Variants in SKAP1 observed in about 807,000 individuals in gnomAD.
SKAP1 encodes the protein src kinase-associated phosphoprotein 1.
Under a neutral mutation model 58.5 loss-of-function variants are expected in SKAP1, and 44 were observed. That is an observed-to-expected ratio of 0.75 (90% CI 0.59 to 0.97). The LOEUF is 0.97. SKAP1 is among the 50% of genes least tolerant of loss of function. The probability of loss-of-function intolerance (pLI) is 0.00; values close to 1 mark genes in which losing one functional copy is unlikely to be tolerated. For missense variants in SKAP1, 390 were observed against 435.2 expected (o/e 0.90, Z 0.92); for synonymous variants, 127 against 149.7 (o/e 0.85, Z 1.11).
intron 11 of SKAP1, among the ~76,000 whole-genome samples, chr17:48,150,358 AAC>A (rs1484173296): frequency 1.3e-5 from 2 of 152,252 alleles, no homozygotes; most frequent in African/African-American, 4.8e-5. Context: ...TGAAAATAAT[AAC>A]ACAGCATTGT....
At chr17:48,223,545 G>A (rs2065029162) in intron 4 of SKAP1, among the ~76,000 whole-genome samples, 1 of 152,158 alleles carries the variant, frequency 6.6e-6, no homozygotes, top group Admixed American at 6.5e-5. Flanking sequence ...GAAAACTGAA[G>A]TGTGGGCAAA....
At chr17:48,258,151 A>G (rs776747056) in intron 4 of SKAP1, among the ~76,000 whole-genome samples, 1 of 152,108 alleles carries the variant, frequency 6.6e-6, no homozygotes, top group Non-Finnish European at 1.5e-5. Context: ...GTATTCCCAA[A>G]AGGACAGTCC....
chr17:48,356,287 G>A (rs1416969513), intron 3 of SKAP1, among the ~76,000 whole-genome samples: 3 of 151,834 alleles, frequency 2.0e-5, no homozygotes, highest in Non-Finnish European at 2.9e-5. Context: ...TAAATAAATA[G>A]ATAGATAGAT....
At chr17:48,174,516 CAG>C (rs1240066804) in intron 9 of SKAP1, among the ~76,000 whole-genome samples, 1 of 152,182 alleles carries the variant, frequency 6.6e-6, no homozygotes, top group East Asian at 1.9e-4. Flanking sequence ...TTTGCAACCC[CAG>C]AGTCAAAGAC....
chr17:48,409,080 A>G (rs1382324914), intron 1 of SKAP1, among the ~76,000 whole-genome samples: 2 of 152,220 alleles, frequency 1.3e-5, no homozygotes, highest in African/African-American at 4.8e-5. Flanking sequence ...TGAGCTACCT[A>G]TGGGGTAGAT....
chr17:48,208,016 G>T (rs190837732), intron 4 of SKAP1, among the ~76,000 whole-genome samples: 76 of 152,234 alleles, frequency 5.0e-4, no homozygotes, highest in Admixed American at 1.4e-3. Flanking sequence ...TATAAAACAG[G>T]ACACCTGTTG....
chr17:48,211,934 C>T (rs1473281644), intron 4 of SKAP1, among the ~76,000 whole-genome samples: 2 of 151,268 alleles, frequency 1.3e-5, no homozygotes, highest in African/African-American at 2.4e-5. Context: ...TGTGTGTGGC[C>T]CTAAAAAGTT....
At chr17:48,338,356 T>C (rs1218330272) in intron 4 of SKAP1, among the ~76,000 whole-genome samples, 1 of 152,138 alleles carries the variant, frequency 6.6e-6, no homozygotes, top group East Asian at 1.9e-4. Context: ...TTCATCATGT[T>C]GGCCAAGCTG....
At chr17:48,399,041 CA>C (rs952046738) in intron 1 of SKAP1, among the ~76,000 whole-genome samples, 3 of 151,046 alleles carry the variant, frequency 2.0e-5, no homozygotes, top group African/African-American at 7.3e-5. Flanking sequence ...AACAAACAAA[CA>C]AAAAAAACCA....
In SKAP1 at chr17:48,405,450, T is replaced by TTTCTTTCTTTCTTTTC. The variant is rs1441641292; in HGVS notation, c.47-8666_47-8665insGAAAAGAAAGAAAGAA. ...CTTTCTTTCTTTCTTTCTTTCTTTC[T>TTTCTTTCTTTCTTTTC]TTTCTTTCTTTCTTTCCTTCCTTCC... On this transcript the variant is annotated intron_variant, in intron 1 of 12. Transcript: ENST00000336915. Among the ~76,000 whole-genome samples, 203 of 94,030 alleles carry TTTCTTTCTTTCTTTTC rather than the reference T, an allele frequency of 2.2e-3. 2 individuals are homozygous for TTTCTTTCTTTCTTTTC. The highest frequency in any genetic ancestry group is 3.7e-3 in the South Asian group (9 of 2,450). The allele number at this position is 94,030 out of a possible 152,430, so 61.7% of individuals were successfully genotyped here.
chr17:48,397,423 A>G (rs1475913687), intron 1 of SKAP1, among the ~76,000 whole-genome samples: 1 of 152,150 alleles, frequency 6.6e-6, no homozygotes, highest in East Asian at 1.9e-4. Context: ...ATGGGTTTTC[A>G]TCATGTTGCC....
At chr17:48,306,339 C>A (rs551924068) in intron 4 of SKAP1, among the ~76,000 whole-genome samples, 3 of 152,064 alleles carry the variant, frequency 2.0e-5, no homozygotes, top group African/African-American at 7.3e-5. Flanking sequence ...TTCTATGAAA[C>A]CTCCCACACC....
At chr17:48,321,347 C>T (rs2066360643) in intron 4 of SKAP1, among the ~76,000 whole-genome samples, 1 of 137,570 alleles carries the variant, frequency 7.3e-6, no homozygotes, top group Non-Finnish European at 1.5e-5. Flanking sequence ...CCTTCTGTCT[C>T]ATTATTATTA....
intron 4 of SKAP1, among the ~76,000 whole-genome samples, chr17:48,323,747 T>C (rs1363774698): frequency 6.6e-6 from 1 of 151,904 alleles, no homozygotes; most frequent in Non-Finnish European, 1.5e-5. Flanking sequence ...GGGAGATACA[T>C]AGGAAGGCCT....
At chr17:48,442,899 C>T in the SKAP1 span, among the ~76,000 whole-genome samples, 1 of 152,196 alleles carries the variant, frequency 6.6e-6, no homozygotes, top group Non-Finnish European at 1.5e-5. Flanking sequence ...CAATATTTCA[C>T]TTCCTCACAA....
intron 4 of SKAP1, among the ~76,000 whole-genome samples, chr17:48,229,698 T>G (rs780393947): frequency 1.1e-4 from 17 of 152,092 alleles, no homozygotes; most frequent in Non-Finnish European, 1.9e-4. Flanking sequence ...CAGGTTCAAC[T>G]CATAACTTTT....
intron 1 of SKAP1, among the ~76,000 whole-genome samples, chr17:48,400,783 G>T (rs1449518772): frequency 1.3e-5 from 2 of 151,700 alleles, no homozygotes; most frequent in African/African-American, 4.8e-5. Context: ...AAGAAATAAA[G>T]CAGGTAAAAG....
At chr17:48,287,003 G>A (rs2065838650) in intron 4 of SKAP1, among the ~76,000 whole-genome samples, 1 of 152,078 alleles carries the variant, frequency 6.6e-6, no homozygotes, top group African/African-American at 2.4e-5. Flanking sequence ...GGCTGGGACA[G>A]GAGAATTGCT....
Position 48,184,785 on chromosome 17 carries a change from G to A in SKAP1, c.505C>T (p.Arg169Ter), listed in dbSNP as rs758850569. ...CAGGATTCTTTCTTGGAATCTCTTC[G>A]CAGGTGGGGGGCCATCCGTACACCG... ...GYGVRMAPHL[R>*]RDSKKESCFE... Residue 169 changes from arginine (R) to a stop codon, truncating the protein, a stop_gained, in exon 7 of 13, where the codon CGA (arginine) becomes TGA (stop). Coordinates refer to ENST00000336915, the MANE Select transcript of SKAP1 (RefSeq NM_003726.4). LOFTEE classifies it high-confidence loss of function. 2.5e-6 allele frequency: 4 copies of A among 1,613,962 alleles called. No individual in the cohort carries two copies. The highest frequency in any genetic ancestry group is 1.1e-5 in the South Asian group (1 of 91,066).
Sources: allele counts gnomAD v4.1 joint callset (sites outside exome capture counted in the v4.1 genomes callset), GRCh38; gene constraint gnomAD v4.1.1; transcripts MANE v1.5; gene names NCBI Gene and HGNC (gene_info 2026-07-23, HGNC 2026-07-21).